The following PLPPR1 variants were observed in gnomAD, a reference collection of about 807,000 sequenced individuals.
The protein encoded by PLPPR1 is phospholipid phosphatase-related protein type 1.
PLPPR1 carries 10 observed loss-of-function variants against 33.1 expected under a neutral mutation model. The observed-to-expected ratio is 0.30, with a 90% confidence interval of 0.19 to 0.51. The LOEUF is 0.51. PLPPR1 is among the 20% of genes least tolerant of loss of function. The pLI is 0.97. For missense variants in PLPPR1, 304 were observed against 408.1 expected (o/e 0.74, Z 2.20); for synonymous variants, 151 against 151.0 (o/e 1.00, Z 0.00).
intron 1 of PLPPR1, among the ~76,000 whole-genome samples, chr9:101,154,967 G>T (rs1384724573): frequency 1.2e-4 from 13 of 112,180 alleles, no homozygotes. Flanking sequence ...CTCATGGGGT[G>T]GGGGGAGGGG....
intron 3 of PLPPR1, among the ~76,000 whole-genome samples, chr9:101,282,985 A>G (rs1307783858): frequency 6.6e-6 from 1 of 152,184 alleles, no homozygotes; most frequent in African/African-American, 2.4e-5. Context: ...GATTCAACTC[A>G]TTTGCTACCA....
intron 2 of PLPPR1, among the ~76,000 whole-genome samples, chr9:101,229,816 T>C (rs139201020): frequency 7.6e-4 from 115 of 152,260 alleles, no homozygotes; most frequent in African/African-American, 2.7e-3. Flanking sequence ...TTCTGTGCCT[T>C]GCCAAGTGAC....
chr9:101,089,653 T>C (rs1207709728), intron 1 of PLPPR1, among the ~76,000 whole-genome samples: 1 of 152,216 alleles, frequency 6.6e-6, no homozygotes, highest in Non-Finnish European at 1.5e-5. Context: ...ACACATGATA[T>C]TTCACCTTAT....
chr9:101,231,611 T>C (rs1827188987), intron 2 of PLPPR1, among the ~76,000 whole-genome samples: 1 of 152,234 alleles, frequency 6.6e-6, no homozygotes, highest in East Asian at 1.9e-4. Flanking sequence ...ATTTGTTTAA[T>C]GGCTTTGAAA....
intron 2 of PLPPR1, among the ~76,000 whole-genome samples, chr9:101,201,842 G>C (rs150568582): frequency 3.9e-5 from 6 of 152,120 alleles, no homozygotes; most frequent in African/African-American, 9.7e-5. Flanking sequence ...TGTGGTGAAC[G>C]TCTGTGACCT....
intron 2 of PLPPR1, among the ~76,000 whole-genome samples, chr9:101,195,040 C>T (rs1023857655): frequency 6.6e-6 from 1 of 152,202 alleles, no homozygotes; most frequent in Admixed American, 6.5e-5. Context: ...CTGCCAGTCC[C>T]ATGTGTGTTG....
intron 2 of PLPPR1, among the ~76,000 whole-genome samples, chr9:101,242,786 A>G (rs1313464453): frequency 1.3e-5 from 2 of 152,058 alleles, no homozygotes; most frequent in East Asian, 3.9e-4. Flanking sequence ...CTCACTGTGT[A>G]CTGGTAACTA....
At chr9:101,035,312 G>A (rs2480736) in intron 1 of PLPPR1, among the ~76,000 whole-genome samples, 98,577 of 152,000 alleles carry the variant, frequency 0.65, 32,075 homozygotes, top group East Asian at 0.74. Flanking sequence ...ACTGCAACCC[G>A]GGTTTGACTC....
chr9:101,054,649 A>G (rs564115482), intron 1 of PLPPR1, among the ~76,000 whole-genome samples: 8 of 152,230 alleles, frequency 5.3e-5, no homozygotes, highest in Non-Finnish European at 1.2e-4. Flanking sequence ...GTTATTGAAA[A>G]TTGATTTGTT....
At chr9:101,120,987 T>C (rs1308982758) in intron 1 of PLPPR1, among the ~76,000 whole-genome samples, 1 of 152,184 alleles carries the variant, frequency 6.6e-6, no homozygotes, top group Non-Finnish European at 1.5e-5. Flanking sequence ...ATGGGGCTGA[T>C]TCACAAGGAG....
intron 7 of PLPPR1, among the ~76,000 whole-genome samples, chr9:101,322,905 G>A (rs975745679): frequency 6.6e-6 from 1 of 152,054 alleles, no homozygotes; most frequent in African/African-American, 2.4e-5. Flanking sequence ...CATGATACAA[G>A]TCTCAAGAAA....
chr9:101,236,536 T>TCACACACACACACACACACA (rs60508436), intron 2 of PLPPR1, among the ~76,000 whole-genome samples: 11 of 148,700 alleles, frequency 7.4e-5, no homozygotes, highest in South Asian at 4.2e-4. Context: ...CTCTCTAAAC[T>TCACACACACACACACACACA]CACACACACA....
At chr9:101,183,538 G>C (rs1826153543) in intron 1 of PLPPR1, among the ~76,000 whole-genome samples, 2 of 151,636 alleles carry the variant, frequency 1.3e-5, no homozygotes, top group African/African-American at 2.4e-5. Flanking sequence ...AAATAGACAT[G>C]ATAATTCTTT....
At chr9:101,263,271 T>C (rs549568048) in intron 2 of PLPPR1, among the ~76,000 whole-genome samples, 1 of 152,370 alleles carries the variant, frequency 6.6e-6, no homozygotes, top group Non-Finnish European at 1.5e-5. Flanking sequence ...CTGGTCACTA[T>C]ACCAGAAGTA....
At chr9:101,033,677 A>G (rs748130652) in intron 1 of PLPPR1, among the ~76,000 whole-genome samples, 4 of 152,156 alleles carry the variant, frequency 2.6e-5, no homozygotes, top group Non-Finnish European at 4.4e-5. Flanking sequence ...AACAGTCCCA[A>G]CTGTGCCAGG....
intron 2 of PLPPR1, among the ~76,000 whole-genome samples, chr9:101,263,550 A>G (rs1181382126): frequency 1.3e-5 from 2 of 152,230 alleles, no homozygotes; most frequent in African/African-American, 4.8e-5. Flanking sequence ...TAACCTTCAT[A>G]TAGATGAGAA....
chr9:101,079,521 A>G (rs750197675), intron 1 of PLPPR1, among the ~76,000 whole-genome samples: 1 of 151,868 alleles, frequency 6.6e-6, no homozygotes, highest in Non-Finnish European at 1.5e-5. Context: ...CTTCTAGATC[A>G]AAACTCACTA....
intron 5 of PLPPR1, among the ~76,000 whole-genome samples, chr9:101,310,031 C>T (rs550309159): frequency 2.0e-5 from 3 of 152,308 alleles, no homozygotes; most frequent in African/African-American, 4.8e-5. Context: ...GTATGTTTCT[C>T]ATTGTCCCCC....
intron 2 of PLPPR1, among the ~76,000 whole-genome samples, chr9:101,260,577 A>G (rs1827880967): frequency 6.6e-6 from 1 of 152,156 alleles, no homozygotes; most frequent in African/African-American, 2.4e-5. Context: ...TGTAACTGAG[A>G]GAATGGTCGT....
Sources: gnomAD v4.1 joint callset for allele counts (sites outside exome capture counted in the v4.1 genomes callset) on GRCh38, gnomAD v4.1.1 for gene constraint, MANE v1.5 for transcripts, NCBI Gene and HGNC (gene_info 2026-07-23, HGNC 2026-07-21) for gene names.